ADGRB3: variants seen among roughly 807,000 people sequenced by gnomAD.
ADGRB3 encodes the protein adhesion G protein-coupled receptor B3.
ADGRB3 carries 37 observed loss-of-function variants against 193.4 expected under a neutral mutation model. That is an observed-to-expected ratio of 0.19 (90% CI 0.15 to 0.25). The LOEUF is 0.25. ADGRB3 is among the 10% of genes least tolerant of loss of function. The pLI is 1.00. For synonymous variants in ADGRB3, 690 were observed against 644.2 expected, an observed-to-expected ratio of 1.07 and a Z score of -1.08; for missense variants, 1,637 against 1,852.9, an observed-to-expected ratio of 0.88 and a Z score of 2.14.
At chr6:68,707,783 C>T (rs1259680088) in intron 3 of ADGRB3, among the ~76,000 whole-genome samples, 3 of 152,116 alleles carry the variant, frequency 2.0e-5, no homozygotes, top group Non-Finnish European at 2.9e-5. Flanking sequence ...TATCATTCCC[C>T]CTACTTTTCC....
chr6:69,087,755 C>A (rs574620115), intron 17 of ADGRB3, among the ~76,000 whole-genome samples: 1 of 152,280 alleles, frequency 6.6e-6, no homozygotes. Flanking sequence ...ATATCTTAGA[C>A]AACTGGCATG....
chr6:68,868,573 G>C (rs1385600812), intron 3 of ADGRB3, among the ~76,000 whole-genome samples: 1 of 152,100 alleles, frequency 6.6e-6, no homozygotes, highest in Non-Finnish European at 1.5e-5. Context: ...CTATACAGTA[G>C]TTTCACAACA....
At chr6:68,930,203 CAACT>C in intron 3 of ADGRB3, among the ~76,000 whole-genome samples, 3 of 152,030 alleles carry the variant, frequency 2.0e-5, no homozygotes, top group Admixed American at 2.0e-4. Flanking sequence ...GAAGCAGATG[CAACT>C]AAGTCAGGAT....
At chr6:68,703,997 G>A (rs1191826875) in intron 3 of ADGRB3, among the ~76,000 whole-genome samples, 1 of 152,092 alleles carries the variant, frequency 6.6e-6, no homozygotes, top group Non-Finnish European at 1.5e-5. Context: ...GTATTTAAAG[G>A]GGGCTTTAGC....
chr6:69,238,289 A>C (rs917988106), intron 19 of ADGRB3, among the ~76,000 whole-genome samples: 1 of 152,062 alleles, frequency 6.6e-6, no homozygotes, highest in Admixed American at 6.6e-5. Context: ...TGTTACTGTC[A>C]CTCAGTGATT....
intron 3 of ADGRB3, among the ~76,000 whole-genome samples, chr6:68,868,911 A>ATGTG (rs375255522): frequency 0.065 from 9,130 of 139,640 alleles, 327 homozygotes; most frequent in African/African-American, 0.092. Flanking sequence ...CCAGATAATG[A>ATGTG]TGTGTGTGTG....
At chr6:68,648,063 A>T (rs913338127) in intron 3 of ADGRB3, among the ~76,000 whole-genome samples, 1 of 152,326 alleles carries the variant, frequency 6.6e-6, no homozygotes, top group East Asian at 1.9e-4. Context: ...ACATTCAATT[A>T]TCTTTCAACT....
At chr6:69,253,779 A>T (rs987410151) in intron 20 of ADGRB3, among the ~76,000 whole-genome samples, 20 of 152,034 alleles carry the variant, frequency 1.3e-4, no homozygotes, top group Non-Finnish European at 2.4e-4. Flanking sequence ...AGTACTATAT[A>T]TTTTCAATAT....
chr6:69,142,720 GACAACAAAGGCAGATGA>G (rs1458138336), intron 17 of ADGRB3, among the ~76,000 whole-genome samples: 2 of 152,184 alleles, frequency 1.3e-5, no homozygotes, highest in African/African-American at 4.8e-5. Flanking sequence ...TCTGGCTCAT[GACAACAAAGGCAGATGA>G]ACAGCAGTTT....
intron 20 of ADGRB3, among the ~76,000 whole-genome samples, chr6:69,292,730 T>C (rs1226072114): frequency 6.6e-6 from 1 of 152,048 alleles, no homozygotes; most frequent in Admixed American, 6.6e-5. Context: ...TTTTTTATTA[T>C]TACCATACTT....
intron 17 of ADGRB3, among the ~76,000 whole-genome samples, chr6:69,094,597 A>G (rs1753960657): frequency 6.6e-6 from 1 of 152,204 alleles, no homozygotes; most frequent in Non-Finnish European, 1.5e-5. Context: ...CGTGTTTACA[A>G]TTGTAGTTAT....
intron 3 of ADGRB3, among the ~76,000 whole-genome samples, chr6:68,867,780 G>A (rs973940646): frequency 2.0e-5 from 3 of 152,152 alleles, no homozygotes; most frequent in African/African-American, 7.2e-5. Flanking sequence ...GATTATTTTG[G>A]AGCTTTAAGA....
chr6:69,324,826 C>T, intron 20 of ADGRB3, 46 bp from the exon 21 acceptor site: 1 of 1,594,630 alleles, frequency 6.3e-7, no homozygotes. Flanking sequence ...ATCATTTTCC[C>T]TCTCCCAGGT....
chr6:69,284,996 A>T (rs562274460), intron 20 of ADGRB3, among the ~76,000 whole-genome samples: 2 of 152,358 alleles, frequency 1.3e-5, no homozygotes, highest in African/African-American at 4.8e-5. Context: ...CAAGAATGAA[A>T]AAATGATTAA....
chr6:68,844,921 A>T (rs6920573), intron 3 of ADGRB3, among the ~76,000 whole-genome samples: 32,646 of 152,074 alleles, frequency 0.21, 4,051 homozygotes, highest in East Asian at 0.58. Context: ...AAATCAAAAC[A>T]AATGAACTCA....
chr6:69,065,314 C>T (rs1022093917), intron 16 of ADGRB3, among the ~76,000 whole-genome samples: 1 of 152,120 alleles, frequency 6.6e-6, no homozygotes. Flanking sequence ...ATCTGCCCGC[C>T]GTGCACATCG....
At chr6:69,381,135 T>C (rs765104591) in intron 30 of ADGRB3, among the ~76,000 whole-genome samples, 5 of 151,912 alleles carry the variant, frequency 3.3e-5, no homozygotes, top group Non-Finnish European at 7.4e-5. Context: ...TGCTACTTTA[T>C]GTTTGCCAGT....
Position 68,802,183 on chromosome 6 carries a change from C to CGTGTGT in ADGRB3, c.758-128353_758-128348dup, listed in dbSNP as rs9294808. Among the ~76,000 whole-genome samples the CGTGTGT allele has an allele frequency of 3.7e-3, 530 of 142,826 alleles. 2 individuals carry two copies. Among genetic ancestry groups the CGTGTGT allele is most frequent in the African/African-American group, 0.012 (470 of 38,362 alleles). 93.7% of individuals were successfully genotyped at this position (142,826 alleles called of 152,430 possible). The stretch of plus-strand genomic sequence containing the variant: ...ATAGAGTAAAATAAATGCACATATG[C>CGTGTGT]GTGTGTGTGTGTGTGTGTGTGTGTG... On this transcript the variant is annotated intron_variant, in intron 3 of 31. Transcript: ENST00000370598.
Position 69,126,824 on chromosome 6 carries a change from G to A in ADGRB3, c.2480+50786G>A, listed in dbSNP as rs960238582. 3.9e-5 allele frequency among the ~76,000 whole-genome samples: 6 copies of A among 152,236 alleles called. No individual in the cohort carries two copies. In the South Asian group the frequency reaches 1.0e-3, roughly 26 times the overall value. ...AGTTTGACCTTTCCAACTCTAAGCC[G>A]AATGTGCTGGATTGCTCTAGAGGGA... is the stretch of plus-strand genomic sequence containing the variant. On this transcript the variant is annotated intron_variant, in intron 17 of 31. Transcript: ENST00000370598.
Sources: gnomAD v4.1 joint callset for allele counts (sites outside exome capture counted in the v4.1 genomes callset) on GRCh38, gnomAD v4.1.1 for gene constraint, MANE v1.5 for transcripts, NCBI Gene and HGNC (gene_info 2026-07-23, HGNC 2026-07-21) for gene names.